DNAJC6: variants seen among roughly 807,000 people sequenced by gnomAD.
The protein encoded by DNAJC6 is auxilin.
Under a neutral mutation model 110.0 loss-of-function variants are expected in DNAJC6, and 34 were observed. That is an observed-to-expected ratio of 0.31 (90% CI 0.24 to 0.41). The LOEUF (loss-of-function observed/expected upper bound fraction) is 0.41. DNAJC6 is among the 10% of genes least tolerant of loss of function. The pLI is 1.00. For missense variants in DNAJC6, 1,031 were observed against 1,207.8 expected (o/e 0.85, Z 2.17); for synonymous variants, 406 against 437.2 (o/e 0.93, Z 0.89).
intron 1 of DNAJC6, among the ~76,000 whole-genome samples, chr1:65,356,405 C>G (rs774523346): frequency 9.9e-5 from 15 of 151,630 alleles, no homozygotes; most frequent in African/African-American, 3.6e-4. Context: ...AACCCTGTCT[C>G]TACAAAAAAT....
intron 1 of DNAJC6, among the ~76,000 whole-genome samples, chr1:65,265,469 A>T (rs1570183647): frequency 1.3e-5 from 2 of 152,282 alleles, no homozygotes; most frequent in East Asian, 3.9e-4. Flanking sequence ...AAATGCTGGG[A>T]TGTAAACTAC....
At chr1:65,342,213 A>G (rs1165359819) in intron 1 of DNAJC6, among the ~76,000 whole-genome samples, 1 of 152,094 alleles carries the variant, frequency 6.6e-6, no homozygotes, top group Non-Finnish European at 1.5e-5. Context: ...TGGCTGTATG[A>G]CCTAAATTTT....
chr1:65,415,313 A>C lies in DNAJC6; in HGVS notation c.*2288A>C, dbSNP rs914780500. Reference sequence around the variant, plus strand: ...CTAAGTTATTTGGGTACTTGTAGGAATACAATGAGGAGCTTGAATGCCACC... The same window carrying C: ...CTAAGTTATTTGGGTACTTGTAGGACTACAATGAGGAGCTTGAATGCCACC... On this transcript the variant is annotated 3_prime_UTR_variant, in exon 19 of 19. Transcript: ENST00000371069. 7.9e-5 allele frequency: 12 copies of C among 152,236 alleles called. No individual in the cohort carries two copies. Among genetic ancestry groups the C allele is most frequent in the Non-Finnish European group, 1.5e-5 (1 of 68,040 alleles). The allele number at this position is 152,236 out of a possible 1,614,324, so 9.4% of individuals were successfully genotyped here.
chr1:65,356,698 TG>T (rs1645547488), intron 1 of DNAJC6, among the ~76,000 whole-genome samples: 1 of 152,144 alleles, frequency 6.6e-6, no homozygotes, highest in Non-Finnish European at 1.5e-5. Context: ...ATCCTGTTGA[TG>T]ACATGAGGCA....
At chr1:65,345,111 G>T (rs546556688) in intron 1 of DNAJC6, among the ~76,000 whole-genome samples, 1 of 90,990 alleles carries the variant, frequency 1.1e-5, no homozygotes, top group South Asian at 3.2e-4. Flanking sequence ...TATGAGGAAG[G>T]TATCATAGGC....
intron 1 of DNAJC6, among the ~76,000 whole-genome samples, chr1:65,273,425 C>T (rs1653569451): frequency 6.6e-6 from 1 of 152,060 alleles, no homozygotes; most frequent in Non-Finnish European, 1.5e-5. Context: ...GGTGAAACCC[C>T]GTCTCTACTA....
intron 1 of DNAJC6, among the ~76,000 whole-genome samples, chr1:65,335,643 C>T (rs542934405): frequency 6.6e-6 from 1 of 151,990 alleles, no homozygotes; most frequent in East Asian, 1.9e-4. Flanking sequence ...GTGCAAAGGC[C>T]CTGAGGGAAG....
At chr1:65,369,562 A>G (rs1312956102) in intron 4 of DNAJC6, among the ~76,000 whole-genome samples, 1 of 152,186 alleles carries the variant, frequency 6.6e-6, no homozygotes, top group East Asian at 1.9e-4. Flanking sequence ...TTGTAGATTC[A>G]TAAGGGTGTA....
intron 1 of DNAJC6, among the ~76,000 whole-genome samples, chr1:65,321,095 G>A (rs1252357265): frequency 2.0e-5 from 3 of 152,138 alleles, no homozygotes; most frequent in African/African-American, 4.8e-5. Flanking sequence ...CATAGAGAGA[G>A]TTTGAGGTGG....
At chr1:65,389,482 A>G (rs1392563704) in intron 10 of DNAJC6, 33 bp downstream of exon 10, 1 of 1,613,558 alleles carries the variant, frequency 6.2e-7, no homozygotes, top group Non-Finnish European at 8.5e-7. Context: ...GTTTTTCAGG[A>G]TGAAGCCTCT....
chr1:65,336,787 A>G (rs928255353), intron 1 of DNAJC6, among the ~76,000 whole-genome samples: 4 of 152,194 alleles, frequency 2.6e-5, no homozygotes, highest in African/African-American at 9.6e-5. Flanking sequence ...TTTAAAAAAC[A>G]CTGTCACAAC....
chr1:65,318,969 G>A (rs1645172500), intron 1 of DNAJC6, among the ~76,000 whole-genome samples: 1 of 152,060 alleles, frequency 6.6e-6, no homozygotes, highest in Non-Finnish European at 1.5e-5. Flanking sequence ...GCCAGTGGAG[G>A]ACCAGGAGAA....
At chr1:65,349,671 A>G (rs1022053908) in intron 1 of DNAJC6, among the ~76,000 whole-genome samples, 2 of 152,152 alleles carry the variant, frequency 1.3e-5, no homozygotes, top group Non-Finnish European at 2.9e-5. Flanking sequence ...AATGTTAGCC[A>G]TTATTGACAT....
At chr1:65,284,109 C>T (rs376619557) in intron 1 of DNAJC6, among the ~76,000 whole-genome samples, 1 of 152,168 alleles carries the variant, frequency 6.6e-6, no homozygotes, top group East Asian at 1.9e-4. Flanking sequence ...GAGAAAGTCA[C>T]AAAAGTGCTC....
intron 1 of DNAJC6, among the ~76,000 whole-genome samples, chr1:65,322,547 A>G: frequency 6.6e-6 from 1 of 152,080 alleles, no homozygotes; most frequent in Non-Finnish European, 1.5e-5. Flanking sequence ...AAATTCCTCT[A>G]TTGATAGGGG....
chr1:65,393,941 G>T (rs1407764483), intron 12 of DNAJC6, among the ~76,000 whole-genome samples: 1 of 152,134 alleles, frequency 6.6e-6, no homozygotes, highest in East Asian at 1.9e-4. Context: ...TGAGGCTCAA[G>T]CTCCAATGTT....
chr1:65,370,045 AT>A (rs772976993), intron 4 of DNAJC6, among the ~76,000 whole-genome samples: 45 of 151,196 alleles, frequency 3.0e-4, no homozygotes, highest in African/African-American at 7.5e-4. Context: ...AGGTGTTTTT[AT>A]TTTTTTTTAA....
At chr1:65,369,629 C>T (rs1645686905) in intron 4 of DNAJC6, among the ~76,000 whole-genome samples, 1 of 152,152 alleles carries the variant, frequency 6.6e-6, no homozygotes, top group African/African-American at 2.4e-5. Context: ...CTGCCCACAT[C>T]ATATACCTCT....
intron 15 of DNAJC6, among the ~76,000 whole-genome samples, chr1:65,402,201 G>A (rs944138183): frequency 6.6e-6 from 1 of 152,232 alleles, no homozygotes; most frequent in Non-Finnish European, 1.5e-5. Context: ...GAAACAGTAT[G>A]AGACAGGGCT....
Sources: allele counts gnomAD v4.1 joint callset (sites outside exome capture counted in the v4.1 genomes callset), GRCh38; gene constraint gnomAD v4.1.1; transcripts MANE v1.5; gene names NCBI Gene and HGNC (gene_info 2026-07-23, HGNC 2026-07-21).